The following PIEZO2 variants were observed in gnomAD, a reference collection of about 807,000 sequenced individuals.
PIEZO2 encodes the protein piezo-type mechanosensitive ion channel component 2.
A neutral mutation model predicts 337.3 loss-of-function variants in PIEZO2; 172 were observed. The ratio of observed to expected loss-of-function variants is 0.51; its 90% CI spans 0.45 to 0.58. The LOEUF (loss-of-function observed/expected upper bound fraction) is 0.58, where lower values mean the gene tolerates loss of function less well. PIEZO2 is among the 20% of genes least tolerant of loss of function. The pLI is 0.00. For synonymous variants in PIEZO2, 1,251 were observed against 1,228.5 expected, an observed-to-expected ratio of 1.02 and a Z score of -0.38; for missense variants, 3,028 against 3,391.3, an observed-to-expected ratio of 0.89 and a Z score of 2.66.
rs1294175424 is a variant in PIEZO2, at chr18:10,707,320, C to A, written c.5588+955G>T. On this transcript the variant is annotated intron_variant, in intron 40 of 55. Coordinates refer to ENST00000674853, the MANE Select transcript of PIEZO2 (RefSeq NM_001378183.1). The surrounding 1 kb of genome is among the most constrained non-coding windows in gnomAD (Gnocchi z 4.2). Reference sequence around the variant, plus strand: ...TGTAGCACCAAGGGGTGGAGGGTACCTTCAGAGGTCAAGAAAATGGACTGG... The same window carrying A: ...TGTAGCACCAAGGGGTGGAGGGTACATTCAGAGGTCAAGAAAATGGACTGG... Among the ~76,000 whole-genome samples, 17 of 152,062 alleles carry A rather than the reference C, an allele frequency of 1.1e-4. No individual in the cohort carries two copies. Among genetic ancestry groups the A allele is most frequent in the Non-Finnish European group, 4.4e-5 (3 of 68,016 alleles).
intron 2 of PIEZO2, among the ~76,000 whole-genome samples, chr18:11,049,919 G>A (rs2037463612): frequency 1.3e-5 from 2 of 152,148 alleles, no homozygotes; most frequent in Admixed American, 1.3e-4. Flanking sequence ...CCATATTTTA[G>A]ATAACACTTA....
chr18:11,086,391 C>T (rs1021150499), intron 1 of PIEZO2, among the ~76,000 whole-genome samples: 4 of 151,554 alleles, frequency 2.6e-5, no homozygotes, highest in Admixed American at 1.3e-4. Context: ...GTGGTGCGGG[C>T]GCCTGTAGTC....
rs573613674 is a variant in PIEZO2, at chr18:11,005,854, G to T, written c.161-26194C>A. Among the ~76,000 whole-genome samples the T allele has an allele frequency of 1.8e-4, 27 of 152,324 alleles. 1 individual carries two copies. The South Asian group carries it at 5.0e-3, about 28-fold the overall frequency. ...CTGCATGGCCTTCTGTGTGTTGTTT[G>T]TATGTACACGCAAAGAGCAGTGACT... On this transcript the variant is annotated intron_variant, in intron 2 of 55. Transcript: ENST00000674853.
At chr18:10,768,486 A>C (rs2038460031) in intron 21 of PIEZO2, among the ~76,000 whole-genome samples, 1 of 152,236 alleles carries the variant, frequency 6.6e-6, no homozygotes, top group Non-Finnish European at 1.5e-5. Flanking sequence ...CCCCCCATGC[A>C]GGTGGGGTGA....
intron 34 of PIEZO2, among the ~76,000 whole-genome samples, chr18:10,735,531 A>G (rs2036961114): frequency 6.6e-6 from 1 of 152,178 alleles, no homozygotes; most frequent in Non-Finnish European, 1.5e-5. Flanking sequence ...AATCCATCCA[A>G]CATAGTGAAG....
intron 4 of PIEZO2, among the ~76,000 whole-genome samples, chr18:10,881,089 G>A (rs145849393): frequency 9.3e-4 from 141 of 151,466 alleles, no homozygotes; most frequent in African/African-American, 3.3e-3. Flanking sequence ...AGTTAATGAC[G>A]CATTAGAGAA....
In PIEZO2 at chr18:11,003,917, G is replaced by A. The variant is rs1253183628; in HGVS notation, c.161-24257C>T. Among the ~76,000 whole-genome samples, 2 of 152,208 alleles carry A rather than the reference G, an allele frequency of 1.3e-5. No individual in the cohort carries two copies. Among genetic ancestry groups the A allele is most frequent in the Non-Finnish European group, 2.9e-5 (2 of 68,038 alleles). On this transcript the variant is annotated intron_variant, in intron 2 of 55. Coordinates refer to ENST00000674853, the MANE Select transcript of PIEZO2 (RefSeq NM_001378183.1). The surrounding 1 kb of genome is among the most constrained non-coding windows in gnomAD (Gnocchi z 4.6). ...GACCTGCTAAATAGGACTAATGGAAGAGAGTTAATAGTCACTATTTTTGTT... is the reference window on the plus strand; with the variant it reads ...GACCTGCTAAATAGGACTAATGGAAAAGAGTTAATAGTCACTATTTTTGTT...
intron 3 of PIEZO2, among the ~76,000 whole-genome samples, chr18:10,912,137 A>T (rs1269554555): frequency 6.6e-6 from 1 of 152,166 alleles, no homozygotes; most frequent in Non-Finnish European, 1.5e-5. Context: ...AGTATATCCA[A>T]ATCCATAAGA....
chr18:10,948,209 T>G (rs1258002370), intron 3 of PIEZO2, among the ~76,000 whole-genome samples: 1 of 152,106 alleles, frequency 6.6e-6, no homozygotes, highest in African/African-American at 2.4e-5. Context: ...TAATAAAAAT[T>G]TAAATATACA....
rs780072727 is a variant in PIEZO2 at position 10,962,815 on chromosome 18, G to A, written c.286+16720C>T. On this transcript the variant is annotated intron_variant, in intron 3 of 55. Transcript: ENST00000674853. The surrounding 1 kb of genome is among the most constrained non-coding windows in gnomAD (Gnocchi z 4.1). ...GCCCTTTCCAGTGATCACATACTAT[G>A]AGCCCATGCTAGCAATGTGAGGGAT... Among the ~76,000 whole-genome samples, 28 of 152,256 alleles carry A rather than the reference G, an allele frequency of 1.8e-4. No homozygotes were observed. Among genetic ancestry groups the A allele is most frequent in the Non-Finnish European group, 3.5e-4 (24 of 68,028 alleles).
Position 10,682,285 on chromosome 18 carries a change from G to T in PIEZO2, c.7505C>A (p.Pro2502His). 6.5e-7 allele frequency: 1 copy of T among 1,535,212 alleles called. No individual in the cohort carries two copies. The highest frequency in any genetic ancestry group is 8.7e-7 in the Non-Finnish European group (1 of 1,145,742). The change falls in exon 50 of 56, where the codon CCT becomes CAT. Residue 2502 changes from proline (P) to histidine (H), a missense_variant. Pro to His is a moderately conservative substitution (Grantham distance 77). Transcript: ENST00000674853. This position sits in a 1 kb window ranked among gnomAD's most constrained non-coding sequence, Gnocchi z 5.6. ...KCWRESEKRY[P>H]QPRGQKKKKV... ...CTTCTTCTTCTGGCCCCGTGGCTGA[G>T]GGTATCTCTGCAACAGAGAGTTCAG...
intron 2 of PIEZO2, among the ~76,000 whole-genome samples, chr18:11,061,609 A>G (rs550528407): frequency 1.3e-5 from 2 of 152,010 alleles, no homozygotes; most frequent in East Asian, 1.9e-4. Context: ...TTATACACCA[A>G]AAACAGACAA....
chr18:11,067,610 T>C (rs148997779), intron 1 of PIEZO2, among the ~76,000 whole-genome samples: 198 of 152,256 alleles, frequency 1.3e-3, no homozygotes, highest in African/African-American at 4.7e-3. Context: ...TCAGATAAAA[T>C]AGACTTTAAG....
At chr18:11,039,341 T>C (rs1598866988) in intron 2 of PIEZO2, among the ~76,000 whole-genome samples, 1 of 152,144 alleles carries the variant, frequency 6.6e-6, no homozygotes, top group Non-Finnish European at 1.5e-5. Flanking sequence ...GAACATTCTA[T>C]AGGCAGAAAG....
At chr18:10,884,270 A>T (rs55777030) in intron 4 of PIEZO2, among the ~76,000 whole-genome samples, 3,023 of 152,250 alleles carry the variant, frequency 0.02, 119 homozygotes, top group African/African-American at 0.069. Context: ...TCCATTGAGT[A>T]TTTATTCCAC....
intron 2 of PIEZO2, among the ~76,000 whole-genome samples, chr18:11,065,639 A>T (rs748030353): frequency 6.6e-6 from 1 of 152,194 alleles, no homozygotes; most frequent in Non-Finnish European, 1.5e-5. Flanking sequence ...TGCTATTGAG[A>T]CATATTTAAG....
chr18:10,884,973 T>C (rs1194342177), intron 4 of PIEZO2, among the ~76,000 whole-genome samples: 2 of 152,176 alleles, frequency 1.3e-5, no homozygotes, highest in East Asian at 3.9e-4. Context: ...GCGTCTATCA[T>C]ATCATAGACA....
intron 7 of PIEZO2, among the ~76,000 whole-genome samples, chr18:10,809,272 T>C (rs1198199737): frequency 1.5e-5 from 2 of 130,618 alleles, no homozygotes; most frequent in African/African-American, 3.1e-5. Flanking sequence ...TTTTTTTTTT[T>C]TTTTTTTTTT....
In PIEZO2 at chr18:10,676,009, C is replaced by T. The variant is rs2033985128; in HGVS notation, c.8082-721G>A. Among the ~76,000 whole-genome samples, 1 of 152,162 alleles carries T rather than the reference C, an allele frequency of 6.6e-6. No individual in the cohort carries two copies. The highest frequency in any genetic ancestry group is 1.5e-5 in the Non-Finnish European group (1 of 68,022). The stretch of plus-strand genomic sequence containing the variant: ...CAACCTCTTTCCTTTATAAATTACC[C>T]AGTCTCAGGTATGTGTTTATTAGCG... On this transcript the variant is annotated intron_variant, in intron 53 of 55. Transcript: ENST00000674853. The surrounding 1 kb of genome is among the most constrained non-coding windows in gnomAD (Gnocchi z 5.1).
Sources: gnomAD v4.1 joint callset for allele counts (sites outside exome capture counted in the v4.1 genomes callset) on GRCh38, gnomAD v4.1.1 for gene constraint, Gnocchi (gnomAD v3.1) non-coding constraint, MANE v1.5 for transcripts, NCBI Gene and HGNC (gene_info 2026-07-23, HGNC 2026-07-21) for gene names.